The following ATRNL1 variants were observed in gnomAD, a reference collection of about 807,000 sequenced individuals.
ATRNL1 encodes attractin-like protein 1.
A neutral mutation model predicts 182.7 loss-of-function variants in ATRNL1; 95 were observed. That is an observed-to-expected ratio of 0.52 (90% CI 0.44 to 0.62). The LOEUF is 0.62. Among genes scored for constraint, ATRNL1 ranks in the 20% least tolerant of loss-of-function variants. The probability of loss-of-function intolerance (pLI) is 0.00; values close to 1 mark genes in which losing one functional copy is unlikely to be tolerated. For synonymous variants in ATRNL1, 576 were observed against 568.3 expected (o/e 1.01, Z -0.19); for missense variants, 1,471 against 1,679.5 (o/e 0.88, Z 2.17).
At chr10:115,292,143 A>G (rs948557631) in intron 15 of ATRNL1, among the ~76,000 whole-genome samples, 1 of 151,904 alleles carries the variant, frequency 6.6e-6, no homozygotes, top group African/African-American at 2.4e-5. Context: ...TTCTTGGAAT[A>G]TAGTTGTTTA....
chr10:115,486,141 A>G (rs1565093460), intron 24 of ATRNL1, among the ~76,000 whole-genome samples: 1 of 152,126 alleles, frequency 6.6e-6, no homozygotes, highest in Non-Finnish European at 1.5e-5. Context: ...TGTCCAGTCT[A>G]TCATTGATGA....
intron 27 of ATRNL1, among the ~76,000 whole-genome samples, chr10:115,741,436 G>A (rs1418933073): frequency 6.6e-6 from 1 of 152,158 alleles, no homozygotes; most frequent in African/African-American, 2.4e-5. Context: ...GAGTGAGGCA[G>A]TGAGAAGGCC....
chr10:115,869,316 A>G (rs568036593), intron 28 of ATRNL1, among the ~76,000 whole-genome samples: 104 of 152,308 alleles, frequency 6.8e-4, no homozygotes, highest in African/African-American at 2.5e-3. Flanking sequence ...AGCCAGAGCA[A>G]TTTGCATAAA....
At chr10:115,130,449 A>G (rs1845179772) in intron 5 of ATRNL1, among the ~76,000 whole-genome samples, 3 of 152,140 alleles carry the variant, frequency 2.0e-5, no homozygotes, top group African/African-American at 7.2e-5. Flanking sequence ...GTTGTTGGGT[A>G]TGTTGAGTAC....
intron 28 of ATRNL1, among the ~76,000 whole-genome samples, chr10:115,873,604 A>G (rs539538524): frequency 1.5e-4 from 23 of 152,206 alleles, no homozygotes; most frequent in African/African-American, 3.1e-4. Flanking sequence ...TTCTGGCTGC[A>G]GAAAGGGAGG....
At chr10:115,793,699 A>T (rs76148352) in intron 27 of ATRNL1, among the ~76,000 whole-genome samples, 7,375 of 152,180 alleles carry the variant, frequency 0.048, 521 homozygotes, top group African/African-American at 0.16. Flanking sequence ...TTGACTACCC[A>T]CTATATTTAT....
intron 27 of ATRNL1, among the ~76,000 whole-genome samples, chr10:115,838,885 T>C (rs1950740799): frequency 6.6e-6 from 1 of 152,160 alleles, no homozygotes; most frequent in South Asian, 2.1e-4. Context: ...GAATGACTTA[T>C]TCTCTGAGAA....
At chr10:115,312,213 T>C (rs1554928072) in intron 17 of ATRNL1, among the ~76,000 whole-genome samples, 1 of 152,192 alleles carries the variant, frequency 6.6e-6, no homozygotes, top group African/African-American at 2.4e-5. Flanking sequence ...GTGAGTTTTA[T>C]ACTTTCAAGA....
At chr10:115,775,577 C>T (rs1449590907) in intron 27 of ATRNL1, among the ~76,000 whole-genome samples, 2 of 152,080 alleles carry the variant, frequency 1.3e-5, no homozygotes, top group African/African-American at 4.8e-5. Context: ...CCTATATGGA[C>T]TTCAAAATAT....
chr10:115,400,932 C>T (rs762845351), intron 20 of ATRNL1, among the ~76,000 whole-genome samples: 5 of 151,966 alleles, frequency 3.3e-5, no homozygotes, highest in Non-Finnish European at 7.4e-5. Flanking sequence ...GGGCATTTAA[C>T]CCATTTACAT....
intron 9 of ATRNL1, chr10:115,220,248 G>C (rs184828464): frequency 2.0e-5 from 3 of 152,312 alleles, no homozygotes; most frequent in Admixed American, 6.5e-5. Context: ...AATGCTGTTA[G>C]CTACTAAGAA....
chr10:115,552,573 T>G (rs1423356459), intron 26 of ATRNL1, among the ~76,000 whole-genome samples: 1 of 151,432 alleles, frequency 6.6e-6, no homozygotes, highest in Non-Finnish European at 1.5e-5. Flanking sequence ...TAATATATTG[T>G]GTTCATTCAA....
intron 28 of ATRNL1, among the ~76,000 whole-genome samples, chr10:115,910,045 C>A (rs1952626264): frequency 6.6e-6 from 1 of 152,142 alleles, no homozygotes; most frequent in East Asian, 1.9e-4. Flanking sequence ...CACCTCTGGA[C>A]AGGGCTTGGC....
intron 5 of ATRNL1, among the ~76,000 whole-genome samples, chr10:115,146,336 A>T (rs1845968953): frequency 6.6e-6 from 1 of 151,986 alleles, no homozygotes; most frequent in Non-Finnish European, 1.5e-5. Flanking sequence ...CCTTTTACTT[A>T]TTTTTTATTG....
intron 26 of ATRNL1, among the ~76,000 whole-genome samples, chr10:115,591,011 A>G (rs1555012005): frequency 2.0e-5 from 3 of 152,150 alleles, no homozygotes. Flanking sequence ...GGCATTTGAG[A>G]ATCCGTCTTT....
intron 27 of ATRNL1, among the ~76,000 whole-genome samples, chr10:115,772,467 GAA>G (rs1325437286): frequency 1.3e-5 from 2 of 151,930 alleles, no homozygotes; most frequent in Non-Finnish European, 2.9e-5. Context: ...GCTCAAAAAT[GAA>G]AAAGATTTTA....
At chr10:115,794,067 T>G (rs1191597038) in intron 27 of ATRNL1, among the ~76,000 whole-genome samples, 1 of 152,192 alleles carries the variant, frequency 6.6e-6, no homozygotes, top group East Asian at 1.9e-4. Context: ...AGTAGACAAG[T>G]GTGCATCAAA....
chr10:115,540,422 T>A (rs1852286355), intron 25 of ATRNL1, among the ~76,000 whole-genome samples: 2 of 152,038 alleles, frequency 1.3e-5, no homozygotes, highest in Non-Finnish European at 2.9e-5. Flanking sequence ...AAATAATACC[T>A]CAATCCCTTT....
chr10:115,814,183 A>G (rs964143242), intron 27 of ATRNL1, among the ~76,000 whole-genome samples: 1 of 152,184 alleles, frequency 6.6e-6, no homozygotes, highest in Non-Finnish European at 1.5e-5. Flanking sequence ...AAATATTCCT[A>G]TATTTCAATT....
Sources: gnomAD v4.1 joint callset for allele counts (sites outside exome capture counted in the v4.1 genomes callset) on GRCh38, gnomAD v4.1.1 for gene constraint, MANE v1.5 for transcripts, NCBI Gene and HGNC (gene_info 2026-07-23, HGNC 2026-07-21) for gene names.